Variants in CHCHD6 observed in about 807,000 individuals in gnomAD.
CHCHD6 encodes MICOS complex subunit MIC25.
In CHCHD6, 28 loss-of-function variants were observed where a neutral mutation model predicts 32.3. That is an observed-to-expected ratio of 0.87 (90% CI 0.64 to 1.19). CHCHD6 has a LOEUF of 1.19. Among genes scored for constraint, CHCHD6 ranks in the 50% most tolerant of loss-of-function variants. CHCHD6 has a pLI of 0.00. For synonymous variants in CHCHD6, 122 were observed against 117.5 expected, an observed-to-expected ratio of 1.04 and a Z score of -0.25; for missense variants, 333 against 307.0, an observed-to-expected ratio of 1.08 and a Z score of -0.63.
chr3:126,934,988 A>T (rs2078458239), intron 6 of CHCHD6: 1 of 259,762 alleles, frequency 3.8e-6, no homozygotes, highest in African/African-American at 2.3e-5. Context: ...GGTCACATCA[A>T]TTCTGGACGA....
At chr3:126,790,661 T>C (rs1347588964) in intron 4 of CHCHD6, among the ~76,000 whole-genome samples, 2 of 152,186 alleles carry the variant, frequency 1.3e-5, no homozygotes, top group Non-Finnish European at 2.9e-5. Context: ...TGTGCCATGG[T>C]TTTCAGCTCC....
intron 5 of CHCHD6, among the ~76,000 whole-genome samples, chr3:126,866,803 C>T (rs926829639): frequency 2.6e-5 from 4 of 152,160 alleles, no homozygotes; most frequent in South Asian, 4.1e-4. Context: ...CCCCAGTGAC[C>T]ATGAAGTTTC....
intron 4 of CHCHD6, among the ~76,000 whole-genome samples, chr3:126,807,431 AT>A (rs1939448971): frequency 6.6e-6 from 1 of 152,170 alleles, no homozygotes; most frequent in Non-Finnish European, 1.5e-5. Flanking sequence ...GGTATCAGAA[AT>A]GGATAATTCA....
intron 6 of CHCHD6, among the ~76,000 whole-genome samples, chr3:126,930,021 A>T (rs2078380657): frequency 6.6e-6 from 1 of 152,234 alleles, no homozygotes; most frequent in African/African-American, 2.4e-5. Context: ...CTCCTTGGAT[A>T]TCCAACCCAT....
intron 2 of CHCHD6, among the ~76,000 whole-genome samples, chr3:126,729,422 T>C (rs1392275811): frequency 6.6e-6 from 1 of 152,198 alleles, no homozygotes; most frequent in Non-Finnish European, 1.5e-5. Context: ...GCAGTGAGGA[T>C]GAGTGCCACA....
intron 4 of CHCHD6, 85 bp downstream of exon 4, chr3:126,733,307 C>T: frequency 4.5e-6 from 6 of 1,325,742 alleles, no homozygotes; most frequent in Non-Finnish European, 5.2e-6. Flanking sequence ...CCTGGTTAGT[C>T]TGAAGCCCTG....
chr3:126,909,262 C>T (rs574497228), intron 5 of CHCHD6, among the ~76,000 whole-genome samples: 13 of 152,244 alleles, frequency 8.5e-5, no homozygotes, highest in Non-Finnish European at 1.8e-4. Context: ...TGCCTTAATG[C>T]ACTGGTCCCA....
intron 6 of CHCHD6, among the ~76,000 whole-genome samples, chr3:126,927,466 G>C (rs2078341612): frequency 6.6e-6 from 1 of 152,226 alleles, no homozygotes. Flanking sequence ...GGCAGCTGCA[G>C]GCTTAAGGGG....
chr3:126,761,764 A>G (rs1937169486), intron 4 of CHCHD6, among the ~76,000 whole-genome samples: 1 of 152,178 alleles, frequency 6.6e-6, no homozygotes, highest in African/African-American at 2.4e-5. Context: ...AGAATTCACT[A>G]CTGAAGCCAT....
intron 6 of CHCHD6, among the ~76,000 whole-genome samples, chr3:126,929,889 G>C (rs1319595528): frequency 2.0e-5 from 3 of 152,114 alleles, no homozygotes; most frequent in African/African-American, 7.2e-5. Context: ...ATATAAACCT[G>C]CTAAGTATGC....
At chr3:126,860,888 A>G (rs1374034606) in intron 5 of CHCHD6, among the ~76,000 whole-genome samples, 1 of 152,212 alleles carries the variant, frequency 6.6e-6, no homozygotes, top group Non-Finnish European at 1.5e-5. Context: ...GACCCAGTCC[A>G]GTTCTTTTCA....
intron 4 of CHCHD6, among the ~76,000 whole-genome samples, chr3:126,836,473 C>T (rs1341112994): frequency 6.6e-6 from 1 of 152,176 alleles, no homozygotes; most frequent in Non-Finnish European, 1.5e-5. Context: ...TCTTCACAGC[C>T]CTTCATCACC....
At chr3:126,852,795 C>A in intron 5 of CHCHD6, 65 bp downstream of exon 5, 3 of 1,111,624 alleles carry the variant, frequency 2.7e-6, no homozygotes, top group Non-Finnish European at 4.1e-6. Flanking sequence ...CAGAACACAT[C>A]ACTGTCATGG....
chr3:126,785,779 T>G (rs1559842334), intron 4 of CHCHD6, among the ~76,000 whole-genome samples: 4 of 152,056 alleles, frequency 2.6e-5, no homozygotes, highest in African/African-American at 9.7e-5. Flanking sequence ...CAATTTTTCC[T>G]CCCCCCAGCC....
At chr3:126,959,763 G>A (rs964352682) in intron 7 of CHCHD6, among the ~76,000 whole-genome samples, 4 of 152,330 alleles carry the variant, frequency 2.6e-5, no homozygotes, top group African/African-American at 7.2e-5. Context: ...CTGACTGTGC[G>A]GACCCCAGCA....
At chr3:126,926,932 A>C (rs946047294) in intron 6 of CHCHD6, among the ~76,000 whole-genome samples, 1 of 152,172 alleles carries the variant, frequency 6.6e-6, no homozygotes, top group African/African-American at 2.4e-5. Flanking sequence ...GTGAACCGGC[A>C]GGAGGCTTCC....
In CHCHD6 at chr3:126,952,376, G is replaced by T. The variant is rs578062552; in HGVS notation, c.567-5040G>T. On this transcript the variant is annotated intron_variant, in intron 6 of 7. Coordinates refer to ENST00000290913, the MANE Select transcript of CHCHD6 (RefSeq NM_032343.3). ...GGCTAGCCACATCTGGTCCATGTGGGCCCATGGCCACCTGCTGGGCTGCAT... is the reference window on the plus strand; with the variant it reads ...GGCTAGCCACATCTGGTCCATGTGGTCCCATGGCCACCTGCTGGGCTGCAT... Among the ~76,000 whole-genome samples, 5 of 152,286 alleles carry T rather than the reference G, an allele frequency of 3.3e-5. No homozygotes were observed. The South Asian group carries it at 1.0e-3, about 32-fold the overall frequency.
At chr3:126,931,081 C>T (rs986016075) in intron 6 of CHCHD6, among the ~76,000 whole-genome samples, 2 of 152,230 alleles carry the variant, frequency 1.3e-5, no homozygotes, top group Non-Finnish European at 2.9e-5. Flanking sequence ...TCTCTTCCTG[C>T]TCTGTGGGGG....
intron 4 of CHCHD6, among the ~76,000 whole-genome samples, chr3:126,744,554 G>A (rs1391438251): frequency 6.6e-6 from 1 of 152,208 alleles, no homozygotes; most frequent in African/African-American, 2.4e-5. Flanking sequence ...AGGAGCTTTC[G>A]CTGTGAGTAA....
Sources: gnomAD v4.1 joint callset for allele counts (sites outside exome capture counted in the v4.1 genomes callset) on GRCh38, gnomAD v4.1.1 for gene constraint, MANE v1.5 for transcripts, NCBI Gene and HGNC (gene_info 2026-07-23, HGNC 2026-07-21) for gene names.